Variants in SHISA9 observed in about 807,000 individuals in gnomAD.
SHISA9 encodes protein shisa-9.
Under a neutral mutation model 38.0 loss-of-function variants are expected in SHISA9, and 13 were observed. That is an observed-to-expected ratio of 0.34 (90% CI 0.22 to 0.54). The LOEUF is 0.54. SHISA9 is among the 20% of genes least tolerant of loss of function. The pLI is 0.91. For missense variants in SHISA9, 538 were observed against 575.8 expected (o/e 0.93, Z 0.67); for synonymous variants, 275 against 242.0 (o/e 1.14, Z -1.27).
chr16:13,197,104 TACACACACACAC>T (rs58365720), intron 2 of SHISA9, among the ~76,000 whole-genome samples: 9 of 106,572 alleles, frequency 8.4e-5, no homozygotes, highest in East Asian at 4.5e-4. Context: ...TCTCTGTACA[TACACACACACAC>T]ACACACACAC....
rs138927578 is a variant in SHISA9 at position 12,963,558 on chromosome 16, C to T, written c.691+46743C>T. On this transcript the variant is annotated intron_variant, in intron 2 of 4. Transcript: ENST00000558583. ...ACATTCATCAAATCCTTATTATGTGCCAAGTGCCTTCCTAAATGTTTTATA... is the reference window on the plus strand; with the variant it reads ...ACATTCATCAAATCCTTATTATGTGTCAAGTGCCTTCCTAAATGTTTTATA... Among the ~76,000 whole-genome samples, 151 of 152,248 alleles carry T rather than the reference C, an allele frequency of 9.9e-4. 1 individual carries two copies. In the East Asian group the frequency reaches 0.027, roughly 27 times the overall value.
the SHISA9 span, among the ~76,000 whole-genome samples, chr16:13,382,546 A>AAAAG: frequency 2.0e-5 from 3 of 149,600 alleles, no homozygotes; most frequent in Non-Finnish European, 4.4e-5. Flanking sequence ...AAAAAAAAAA[A>AAAAG]AAAGAAAGAA....
At chr16:12,958,857 C>T (rs12921037) in intron 2 of SHISA9, among the ~76,000 whole-genome samples, 1 of 152,030 alleles carries the variant, frequency 6.6e-6, no homozygotes, top group African/African-American at 2.4e-5. Context: ...ATACTCCCCC[C>T]ACCCCCAGGT....
At chr16:12,908,035 A>G (rs949240834) in intron 1 of SHISA9, among the ~76,000 whole-genome samples, 41 of 152,166 alleles carry the variant, frequency 2.7e-4, no homozygotes, top group African/African-American at 9.9e-4. Context: ...TGACCTTGGG[A>G]AGGTTGCTTC....
At chr16:13,043,183 A>G (rs11643628) in intron 2 of SHISA9, among the ~76,000 whole-genome samples, 94,065 of 151,964 alleles carry the variant, frequency 0.62, 29,793 homozygotes, top group Middle Eastern at 0.73. Flanking sequence ...TCAACATCTA[A>G]CCAGTAAGTG....
rs1175893553 is a variant in SHISA9 at position 13,015,614 on chromosome 16, A to G, written c.691+98799A>G. 2.6e-5 allele frequency among the ~76,000 whole-genome samples: 4 copies of G among 152,140 alleles called. No individual in the cohort carries two copies. In the South Asian group the frequency reaches 6.2e-4, roughly 24 times the overall value. ...GGGGTTGATTCTACTGGGACTGCAA[A>G]GTCAATGCTAGCGTAAAATTGCCCC... is the stretch of plus-strand genomic sequence containing the variant. On this transcript the variant is annotated intron_variant, in intron 2 of 4. Transcript: ENST00000558583.
chr16:13,134,388 T>TCAACAAATATTTACTG (rs2050330192), intron 2 of SHISA9, among the ~76,000 whole-genome samples: 1 of 152,198 alleles, frequency 6.6e-6, no homozygotes, highest in Admixed American at 6.5e-5. Flanking sequence ...CTTGAGTGCC[T>TCAACAAATATTTACTG]GACAATGTGC....
At chr16:13,123,232 G>A (rs1029260548) in intron 2 of SHISA9, among the ~76,000 whole-genome samples, 1 of 152,204 alleles carries the variant, frequency 6.6e-6, no homozygotes, top group Non-Finnish European at 1.5e-5. Flanking sequence ...GGATACATTA[G>A]AATATGGCCA....
At chr16:12,911,386 G>T in intron 1 of SHISA9, 1 of 985,286 alleles carries the variant, frequency 1.0e-6, no homozygotes, top group Non-Finnish European at 1.2e-6. Context: ...GCACATTCCT[G>T]TCTATAAAAT....
chr16:13,254,328 C>A, the SHISA9 span, among the ~76,000 whole-genome samples: 7 of 152,128 alleles, frequency 4.6e-5, no homozygotes, highest in African/African-American at 1.7e-4. Context: ...TTTCCATGTC[C>A]AGCCTTCACA....
rs13334654 is a variant in SHISA9 at position 12,915,588 on chromosome 16, C to G, written c.564-1100C>G. ...GATGGCAGCTGTTTGTAGCTGCCAT[C>G]CATTCTGATGGGTTTCTGATGGGCC... On this transcript the variant is annotated intron_variant, in intron 1 of 4. Transcript: ENST00000558583. 9.8e-3 allele frequency among the ~76,000 whole-genome samples: 1,490 copies of G among 152,282 alleles called. 30 individuals are homozygous for G. Among genetic ancestry groups the G allele is most frequent in the African/African-American group, 0.034 (1,406 of 41,552 alleles).
chr16:13,129,621 C>T (rs1488932808), intron 2 of SHISA9, among the ~76,000 whole-genome samples: 1 of 152,208 alleles, frequency 6.6e-6, no homozygotes, highest in Non-Finnish European at 1.5e-5. Flanking sequence ...ACACCCTCTG[C>T]TACAGTACAC....
At chr16:13,059,569 G>A (rs1223309315) in intron 2 of SHISA9, among the ~76,000 whole-genome samples, 1 of 151,958 alleles carries the variant, frequency 6.6e-6, no homozygotes, top group Non-Finnish European at 1.5e-5. Context: ...ACATGCGGGG[G>A]GTCTTCATAC....
At chr16:13,397,194 A>C in the SHISA9 span, among the ~76,000 whole-genome samples, 55 of 152,374 alleles carry the variant, frequency 3.6e-4, no homozygotes, top group African/African-American at 1.3e-3. Flanking sequence ...TGTCTACGTA[A>C]TCAGTAAGTC....
the SHISA9 span, among the ~76,000 whole-genome samples, chr16:13,427,420 A>G: frequency 6.6e-6 from 1 of 152,244 alleles, no homozygotes; most frequent in Non-Finnish European, 1.5e-5. Flanking sequence ...TTTCTACAGT[A>G]TAAAAGAAGA....
chr16:12,933,953 G>A (rs2071494441), intron 2 of SHISA9, among the ~76,000 whole-genome samples: 1 of 152,098 alleles, frequency 6.6e-6, no homozygotes, highest in Non-Finnish European at 1.5e-5. Flanking sequence ...AAATAACAAG[G>A]CTGGTGTCAC....
At chr16:13,508,061 T>C in the SHISA9 span, among the ~76,000 whole-genome samples, 1 of 152,198 alleles carries the variant, frequency 6.6e-6, no homozygotes, top group African/African-American at 2.4e-5. Context: ...CTAGCATTTT[T>C]TCTCTCTCTC....
chr16:13,217,333 C>A (rs890097685), intron 4 of SHISA9, among the ~76,000 whole-genome samples: 5 of 152,106 alleles, frequency 3.3e-5, no homozygotes, highest in Admixed American at 2.6e-4. Flanking sequence ...CTGGAAGACA[C>A]CATCTCAAGA....
chr16:13,049,987 A>T (rs2073232273), intron 2 of SHISA9, among the ~76,000 whole-genome samples: 2 of 152,182 alleles, frequency 1.3e-5, no homozygotes, highest in Admixed American at 6.5e-5. Context: ...AAGAAGAGAA[A>T]CAACTTCTAG....
Sources: gnomAD v4.1 joint callset for allele counts (sites outside exome capture counted in the v4.1 genomes callset) on GRCh38, gnomAD v4.1.1 for gene constraint, MANE v1.5 for transcripts, NCBI Gene and HGNC (gene_info 2026-07-23, HGNC 2026-07-21) for gene names.